NRG1: variants seen among roughly 807,000 people sequenced by gnomAD.
The protein encoded by NRG1 is neuregulin 1, also known as pro-neuregulin-1, membrane-bound isoform.
Under a neutral mutation model 63.8 loss-of-function variants are expected in NRG1, and 18 were observed. The ratio of observed to expected loss-of-function variants is 0.28; its 90% CI spans 0.19 to 0.42. The LOEUF is 0.42. Among genes scored for constraint, NRG1 ranks in the 10% least tolerant of loss-of-function variants. NRG1 has a pLI of 1.00. For synonymous variants in NRG1, 302 were observed against 301.3 expected (o/e 1.00, Z -0.02); for missense variants, 762 against 814.7 (o/e 0.94, Z 0.79).
At chr8:32,599,103 G>T (rs897149031) in intron 2 of NRG1, among the ~76,000 whole-genome samples, 9 of 151,882 alleles carry the variant, frequency 5.9e-5, no homozygotes, top group African/African-American at 2.2e-4. Flanking sequence ...CAGAACATAG[G>T]GCTCTGGCAT....
chr8:32,146,460 T>TAATC (rs1836877818), intron 1 of NRG1, among the ~76,000 whole-genome samples: 1 of 152,180 alleles, frequency 6.6e-6, no homozygotes, highest in Non-Finnish European at 1.5e-5. Flanking sequence ...TACATTAAAA[T>TAATC]GATTAGAATG....
intron 1 of NRG1, among the ~76,000 whole-genome samples, chr8:32,408,210 A>G (rs1814372280): frequency 6.6e-6 from 1 of 152,164 alleles, no homozygotes; most frequent in Non-Finnish European, 1.5e-5. Flanking sequence ...TTCTCTATTT[A>G]TAGGAAAATG....
At chr8:32,713,055 A>G (rs920864306) in intron 5 of NRG1, among the ~76,000 whole-genome samples, 3 of 152,126 alleles carry the variant, frequency 2.0e-5, no homozygotes, top group African/African-American at 7.2e-5. Context: ...TAGCTCAGTC[A>G]TCTTTTCTCT....
intron 5 of NRG1, among the ~76,000 whole-genome samples, chr8:32,727,727 T>C (rs1200093495): frequency 1.3e-5 from 2 of 152,222 alleles, no homozygotes; most frequent in African/African-American, 4.8e-5. Context: ...TATTTAGTTA[T>C]AGTAAAATTA....
chr8:32,407,783 A>T (rs1480432688), intron 1 of NRG1, among the ~76,000 whole-genome samples: 1 of 152,194 alleles, frequency 6.6e-6, no homozygotes, highest in African/African-American at 2.4e-5. Context: ...CTAAGCTCTG[A>T]TCATAAGGGA....
intron 1 of NRG1, among the ~76,000 whole-genome samples, chr8:32,474,285 G>C (rs1428116370): frequency 2.6e-5 from 4 of 152,246 alleles, no homozygotes; most frequent in African/African-American, 9.6e-5. Flanking sequence ...GGAACTCCTT[G>C]AAATAAAACT....
At chr8:32,270,975 A>G (rs909020418) in intron 1 of NRG1, among the ~76,000 whole-genome samples, 6 of 152,172 alleles carry the variant, frequency 3.9e-5, no homozygotes. Context: ...CCCCTAAATT[A>G]AAGTAGGTCT....
At chr8:32,215,259 CA>C (rs373521753) in intron 1 of NRG1, among the ~76,000 whole-genome samples, 8 of 152,260 alleles carry the variant, frequency 5.3e-5, no homozygotes, top group African/African-American at 1.9e-4. Context: ...TGAAACTCAG[CA>C]AAAAGGGCTA....
At chr8:32,016,266 T>C (rs556360943) in intron 1 of NRG1, among the ~76,000 whole-genome samples, 2 of 152,266 alleles carry the variant, frequency 1.3e-5, no homozygotes, top group East Asian at 3.9e-4. Flanking sequence ...TCTTGCTATG[T>C]TGCCCAGGCT....
chr8:31,820,732 T>C (rs1306816815), intron 1 of NRG1, among the ~76,000 whole-genome samples: 1 of 152,226 alleles, frequency 6.6e-6, no homozygotes, highest in Non-Finnish European at 1.5e-5. Flanking sequence ...AAAATAATTT[T>C]ATAGATTAAT....
chr8:31,772,219 T>G (rs906150051), intron 1 of NRG1, among the ~76,000 whole-genome samples: 28 of 152,208 alleles, frequency 1.8e-4, no homozygotes, highest in Admixed American at 1.1e-3. Flanking sequence ...AACTTTTGTC[T>G]TCTTTAAATG....
intron 1 of NRG1, among the ~76,000 whole-genome samples, chr8:31,769,175 T>C (rs1017055786): frequency 6.6e-6 from 1 of 152,214 alleles, no homozygotes; most frequent in Non-Finnish European, 1.5e-5. Flanking sequence ...AAACATTATT[T>C]CATTTTACCT....
chr8:32,761,309 T>C (rs1268296988), intron 11 of NRG1, among the ~76,000 whole-genome samples: 1 of 152,198 alleles, frequency 6.6e-6, no homozygotes, highest in East Asian at 1.9e-4. Context: ...GGCTAATCTT[T>C]GACCATTTAC....
At chr8:32,289,210 T>G (rs1316327267) in intron 1 of NRG1, among the ~76,000 whole-genome samples, 1 of 152,194 alleles carries the variant, frequency 6.6e-6, no homozygotes, top group African/African-American at 2.4e-5. Flanking sequence ...TTCACCTTTG[T>G]AAGCTCTTTA....
intron 1 of NRG1, among the ~76,000 whole-genome samples, chr8:31,720,266 C>T (rs1812773779): frequency 6.6e-6 from 1 of 152,120 alleles, no homozygotes; most frequent in Non-Finnish European, 1.5e-5. Flanking sequence ...ATTGCAGGTA[C>T]ATAATATACA....
intron 1 of NRG1, among the ~76,000 whole-genome samples, chr8:31,807,220 C>T (rs548479477): frequency 1.3e-5 from 2 of 152,322 alleles, no homozygotes; most frequent in East Asian, 3.9e-4. Context: ...CTGTGCCCCT[C>T]TCTTGGCTAC....
intron 1 of NRG1, among the ~76,000 whole-genome samples, chr8:31,947,873 G>A (rs934721754): frequency 7.2e-6 from 1 of 139,540 alleles, no homozygotes; most frequent in African/African-American, 2.7e-5. Flanking sequence ...TTGAGCCCAA[G>A]AGGCAAAGTT....
intron 2 of NRG1, among the ~76,000 whole-genome samples, chr8:32,598,657 A>G (rs2129538152): frequency 1.3e-5 from 2 of 152,274 alleles, no homozygotes; most frequent in East Asian, 3.9e-4. Flanking sequence ...GCAACCATAA[A>G]TCACTCGCAG....
At chr8:31,954,478 C>T (rs1317659950) in intron 1 of NRG1, among the ~76,000 whole-genome samples, 3 of 152,246 alleles carry the variant, frequency 2.0e-5, no homozygotes, top group Admixed American at 6.5e-5. Context: ...AAACACATTG[C>T]ATTAGTAGGT....
Sources: gnomAD v4.1 joint callset for allele counts (sites outside exome capture counted in the v4.1 genomes callset) on GRCh38, gnomAD v4.1.1 for gene constraint, MANE v1.5 for transcripts, NCBI Gene and HGNC (gene_info 2026-07-23, HGNC 2026-07-21) for gene names.